Variants in LRCH1 observed in about 807,000 individuals in gnomAD.
LRCH1 encodes leucine-rich repeat and calponin homology domain-containing protein 1.
In LRCH1, 23 loss-of-function variants were observed where a neutral mutation model predicts 94.9. That is an observed-to-expected ratio of 0.24 (90% CI 0.17 to 0.34). The LOEUF (loss-of-function observed/expected upper bound fraction) is 0.34. LRCH1 is among the 10% of genes least tolerant of loss of function. The pLI is 1.00. For missense variants in LRCH1, 790 were observed against 945.9 expected, an observed-to-expected ratio of 0.84 and a Z score of 2.16; for synonymous variants, 364 against 354.9, an observed-to-expected ratio of 1.03 and a Z score of -0.29.
chr13:46,632,712 A>C (rs1294857506), intron 1 of LRCH1, among the ~76,000 whole-genome samples: 1 of 152,202 alleles, frequency 6.6e-6, no homozygotes, highest in East Asian at 1.9e-4. Context: ...AAAAAATATG[A>C]GCAACAATTA....
At chr13:46,738,446 A>G (rs1297265586) in intron 19 of LRCH1, among the ~76,000 whole-genome samples, 4 of 152,256 alleles carry the variant, frequency 2.6e-5, no homozygotes, top group African/African-American at 4.8e-5. Flanking sequence ...TATGAAAGTC[A>G]TAATAGCGTT....
intron 1 of LRCH1, among the ~76,000 whole-genome samples, chr13:46,645,709 C>G (rs1329243705): frequency 6.6e-6 from 1 of 151,816 alleles, no homozygotes; most frequent in East Asian, 1.9e-4. Flanking sequence ...AGAGTGGTTT[C>G]TATTATTAAT....
chr13:46,746,030 C>T (rs1266116844), downstream of LRCH1, among the ~76,000 whole-genome samples: 1 of 152,136 alleles, frequency 6.6e-6, no homozygotes, highest in Non-Finnish European at 1.5e-5. Flanking sequence ...GGGACCTCTT[C>T]CTATATCATG....
intron 1 of LRCH1, among the ~76,000 whole-genome samples, chr13:46,559,058 C>T (rs1377030557): frequency 6.6e-6 from 1 of 152,208 alleles, no homozygotes; most frequent in African/African-American, 2.4e-5. Flanking sequence ...TATTCCCATC[C>T]TAAAGCAATG....
chr13:46,628,678 A>AC (rs1304439206), intron 1 of LRCH1, among the ~76,000 whole-genome samples: 1 of 151,652 alleles, frequency 6.6e-6, no homozygotes, highest in African/African-American at 2.4e-5. Flanking sequence ...AAAAAAAAAA[A>AC]ACACAAGGCC....
chr13:46,645,218 A>G (rs2051205476), intron 1 of LRCH1, among the ~76,000 whole-genome samples: 1 of 152,376 alleles, frequency 6.6e-6, no homozygotes, highest in East Asian at 1.9e-4. Flanking sequence ...TAATGATGCC[A>G]TTAGTAAGTG....
chr13:46,707,713 T>C (rs1430630818), intron 13 of LRCH1, among the ~76,000 whole-genome samples: 1 of 152,216 alleles, frequency 6.6e-6, no homozygotes, highest in Non-Finnish European at 1.5e-5. Flanking sequence ...TATATATTCC[T>C]GAATTTTTTT....
intron 1 of LRCH1, among the ~76,000 whole-genome samples, chr13:46,612,386 A>C (rs1005479751): frequency 3.3e-5 from 5 of 152,238 alleles, no homozygotes; most frequent in African/African-American, 1.2e-4. Flanking sequence ...ATAATTATGA[A>C]TACTTGTTCC....
chr13:46,669,216 G>A, intron 3 of LRCH1, 60 bp downstream of exon 3: 1 of 1,587,760 alleles, frequency 6.3e-7, no homozygotes, highest in South Asian at 1.1e-5. Flanking sequence ...AGCCTCTCAA[G>A]GTATTCAGAA....
chr13:46,632,020 G>A (rs2051023569), intron 1 of LRCH1, among the ~76,000 whole-genome samples: 1 of 152,110 alleles, frequency 6.6e-6, no homozygotes, highest in Non-Finnish European at 1.5e-5. Context: ...TGGCCAACAT[G>A]GTGGAACCCC....
intron 1 of LRCH1, among the ~76,000 whole-genome samples, chr13:46,575,694 T>A (rs887308164): frequency 2.0e-5 from 3 of 152,164 alleles, no homozygotes; most frequent in African/African-American, 7.2e-5. Context: ...GAAAGCAAGA[T>A]CAGTGTGTGC....
intron 1 of LRCH1, among the ~76,000 whole-genome samples, chr13:46,554,303 A>G (rs761219707): frequency 6.6e-6 from 1 of 152,200 alleles, no homozygotes; most frequent in Non-Finnish European, 1.5e-5. Flanking sequence ...TGAGGTGCCC[A>G]AGTTTCCTCT....
chr13:46,701,283 C>T, intron 11 of LRCH1, 76 bp downstream of exon 11: 1 of 1,056,774 alleles, frequency 9.5e-7, no homozygotes, highest in Non-Finnish European at 1.4e-6. Flanking sequence ...GTCTAAATTC[C>T]TAAAATACCT....
chr13:46,648,601 G>T (rs1393758676), intron 1 of LRCH1, among the ~76,000 whole-genome samples: 3 of 152,076 alleles, frequency 2.0e-5, no homozygotes, highest in African/African-American at 7.2e-5. Flanking sequence ...AACCCCAACA[G>T]TTTTTTTAAA....
intron 19 of LRCH1, among the ~76,000 whole-genome samples, chr13:46,740,987 T>C (rs1430570998): frequency 6.6e-6 from 1 of 152,242 alleles, no homozygotes; most frequent in Non-Finnish European, 1.5e-5. Context: ...TTTTACTCTC[T>C]ACTCTCACTA....
intron 1 of LRCH1, among the ~76,000 whole-genome samples, chr13:46,606,128 C>G (rs2050683918): frequency 6.8e-6 from 1 of 148,010 alleles, no homozygotes; most frequent in Non-Finnish European, 1.5e-5. Context: ...TTTAAATGCT[C>G]AAACTCTAAT....
intron 1 of LRCH1, among the ~76,000 whole-genome samples, chr13:46,554,559 G>C (rs988960139): frequency 2.0e-5 from 3 of 152,244 alleles, no homozygotes; most frequent in Non-Finnish European, 2.9e-5. Context: ...AGCCCGGCAA[G>C]TTGTAACTCG....
downstream of LRCH1, among the ~76,000 whole-genome samples, chr13:46,749,256 G>A (rs755397205): frequency 3.9e-5 from 6 of 152,148 alleles, no homozygotes; most frequent in African/African-American, 1.2e-4. Context: ...GAACCTAGAC[G>A]ATATTATGCT....
At chr13:46,687,243 G>A (rs1870668345) in intron 5 of LRCH1, among the ~76,000 whole-genome samples, 1 of 152,164 alleles carries the variant, frequency 6.6e-6, no homozygotes, top group Non-Finnish European at 1.5e-5. Context: ...ACAGGCGTGA[G>A]CCACTGCTCC....
Sources: allele counts gnomAD v4.1 joint callset (sites outside exome capture counted in the v4.1 genomes callset), GRCh38; gene constraint gnomAD v4.1.1; transcripts MANE v1.5; gene names NCBI Gene and HGNC (gene_info 2026-07-23, HGNC 2026-07-21).